Variants in SNX14 observed in about 807,000 individuals in gnomAD.
SNX14 encodes the protein sorting nexin 14, also known as sorting nexin-14.
A neutral mutation model predicts 133.8 loss-of-function variants in SNX14; 93 were observed. That is an observed-to-expected ratio of 0.70 (90% CI 0.59 to 0.83). The LOEUF (loss-of-function observed/expected upper bound fraction) is 0.83, where lower values mean the gene tolerates loss of function less well. Ranked by LOEUF, SNX14 falls within the 40% of genes least tolerant of loss-of-function variation. SNX14 has a pLI of 0.00. For synonymous variants in SNX14, 368 were observed against 365.6 expected, an observed-to-expected ratio of 1.01 and a Z score of -0.07; for missense variants, 945 against 1,094.9, an observed-to-expected ratio of 0.86 and a Z score of 1.93.
intron 1 of SNX14, among the ~76,000 whole-genome samples, chr6:85,590,093 G>A (rs913056601): frequency 1.3e-5 from 2 of 152,198 alleles, no homozygotes; most frequent in Admixed American, 1.3e-4. Flanking sequence ...TGCTGGCAAG[G>A]TACTTTCTGA....
chr6:85,568,428 T>C (rs1049235764), intron 4 of SNX14: 6 of 152,264 alleles, frequency 3.9e-5, no homozygotes, highest in African/African-American at 1.4e-4. Context: ...TAACGTTTTG[T>C]TTCCTGATCT....
rs1205068185 is a variant in SNX14, at chr6:85,530,242, C to G, written c.1844G>C (p.Arg615Thr). Reference sequence around the variant, plus strand: ...AAGTACATAGAATTCAAGATATCTTCTATAGACAGACCAATGTTCAGGCTC... The same window carrying G: ...AAGTACATAGAATTCAAGATATCTTGTATAGACAGACCAATGTTCAGGCTC... The part of the protein sequence containing the change: ...GHEPEHWSVY[R>T]RYLEFYVLES... Residue 615 changes from arginine to threonine, a missense_variant, in exon 19 of 29, where the codon AGA becomes ACA. Arg to Thr is a moderately conservative substitution (Grantham distance 71). Coordinates refer to ENST00000314673, the MANE Select transcript of SNX14 (RefSeq NM_153816.6). 6.2e-7 allele frequency: 1 copy of G among 1,602,486 alleles called. No homozygotes were observed. The highest frequency in any genetic ancestry group is 8.5e-7 in the Non-Finnish European group (1 of 1,174,814).
intron 21 of SNX14, among the ~76,000 whole-genome samples, chr6:85,519,041 T>C (rs1353203486): frequency 6.6e-6 from 1 of 152,198 alleles, no homozygotes; most frequent in East Asian, 1.9e-4. Flanking sequence ...TTCCAACAAG[T>C]AACAGCATTC....
intron 4 of SNX14, among the ~76,000 whole-genome samples, chr6:85,569,047 C>T (rs553916192): frequency 5.9e-5 from 9 of 152,024 alleles, no homozygotes; most frequent in African/African-American, 2.2e-4. Flanking sequence ...CTCACCTCAA[C>T]CTCCACCTCC....
Position 85,505,895 on chromosome 6 carries a change from C to A in SNX14, c.*72G>T, listed in dbSNP as rs556356129. ...TACATAATATATATAAGAATATACC[C>A]AAAAAAGTAAATTTCTACCACCCTC... is the stretch of plus-strand genomic sequence containing the variant. On this transcript the variant is annotated 3_prime_UTR_variant, in exon 29 of 29. Coordinates refer to ENST00000314673, the MANE Select transcript of SNX14 (RefSeq NM_153816.6). 3 of 1,061,542 alleles carry A rather than the reference C, an allele frequency of 2.8e-6. No individual in the cohort carries two copies. Among genetic ancestry groups the A allele is most frequent in the South Asian group, 2.6e-5 (2 of 77,060 alleles). The allele number at this position is 1,061,542 out of a possible 1,614,324, so 65.8% of individuals were successfully genotyped here.
At chr6:85,515,532 G>A (rs1324626771) in intron 23 of SNX14, among the ~76,000 whole-genome samples, 1 of 152,028 alleles carries the variant, frequency 6.6e-6, no homozygotes, top group Non-Finnish European at 1.5e-5. Context: ...GGAGAGGGAA[G>A]AGAAGTAAGG....
chr6:85,542,034 G>T lies in SNX14; in HGVS notation c.1399C>A (p.Gln467Lys). The T allele has an allele frequency of 6.4e-7, 1 of 1,574,086 alleles. No homozygotes were observed. The highest frequency in any genetic ancestry group is 8.6e-7 in the Non-Finnish European group (1 of 1,159,268). The change falls in exon 15 of 29, where the codon CAA becomes AAA. Residue 467 changes from glutamine (Q) to lysine (K), a missense_variant. Transcript: ENST00000314673. ...GGTGATTCTGCACCTCTTAAAAGTT[G>T]TCTGAAATACTTTAAAATAACAAAT... ...MFCHSDEYFR[Q>K]LLRGAESPTR...
chr6:85,513,811 T>C lies in SNX14; in HGVS notation c.2642A>G (p.Asn881Ser), dbSNP rs1297377515. ...GAKQTFEEMMNYIPDLLVKCI... is the reference protein window; with the variant it reads ...GAKQTFEEMMSYIPDLLVKCI... ...CTTAAATATTACACCTGGAATGTAA[T>C]TCATCATTTCTTCAAAAGTCTGTTT... Residue 881 changes from asparagine (N) to serine (S), a missense_variant, in exon 26 of 29, where the codon AAT (asparagine) becomes AGT (serine). Physicochemically the swap from Asn to Ser is conservative, Grantham distance 46 (BLOSUM62 1). This residue lies in a region of SNX14 where 412 missense variants were observed against 516.6 expected (regional missense o/e 0.80). Coordinates refer to ENST00000314673, the MANE Select transcript of SNX14 (RefSeq NM_153816.6). The C allele has an allele frequency of 6.2e-6, 10 of 1,609,800 alleles. No individual in the cohort carries two copies. The highest frequency in any genetic ancestry group is 8.5e-6 in the Non-Finnish European group (10 of 1,177,092).
chr6:85,548,345 A>G lies in SNX14; in HGVS notation c.823T>C (p.Ser275Pro). The G allele has an allele frequency of 6.2e-7, 1 of 1,607,962 alleles. No individual in the cohort carries two copies. Among genetic ancestry groups the G allele is most frequent in the Non-Finnish European group, 8.5e-7 (1 of 1,177,902 alleles). The change falls in exon 9 of 29, where the codon TCT (serine) becomes CCT (proline). Residue 275 changes from serine to proline, a missense_variant. By Grantham distance (74) the Ser-to-Pro change is moderately conservative. This residue lies in a region of SNX14 where 514 missense variants were observed against 538.8 expected (regional missense o/e 0.95). Transcript: ENST00000314673. ...SLTLLIREIL[S>P]GSVFLPSLDF... ...AAAGAAGGAAGGAACACAGAGCCAG[A>G]CAGAATCTCTCTTATAAGTAAGGTC...
intron 1 of SNX14, among the ~76,000 whole-genome samples, chr6:85,575,985 T>C (rs546777391): frequency 6.6e-6 from 1 of 152,350 alleles, no homozygotes; most frequent in Admixed American, 6.5e-5. Context: ...ATTCTCAATG[T>C]TTCTAATGTT....
chr6:85,528,288 T>G lies in SNX14; in HGVS notation c.1969A>C (p.Arg657=). 1.2e-6 allele frequency: 2 copies of G among 1,613,240 alleles called. No individual in the cohort carries two copies. Among genetic ancestry groups the G allele is most frequent in the Non-Finnish European group, 8.5e-7 (1 of 1,179,456 alleles). The change falls in exon 20 of 29, where the codon AGG becomes CGG. Residue 657 remains arginine, a synonymous_variant. Transcript: ENST00000314673. ...PKNYEFLKSK[R]EEFQEYLQKL... ...TGTAGATATTCTTGGAACTCTTCCC[T>G]CTTTGACTTTAAGAATTCATAATTT...
chr6:85,585,801 T>A (rs952448970), intron 1 of SNX14, among the ~76,000 whole-genome samples: 15 of 152,036 alleles, frequency 9.9e-5, no homozygotes, highest in Non-Finnish European at 2.9e-5. Context: ...TTGTAACCCA[T>A]AATTAAGTAA....
chr6:85,534,138 C>G (rs115371041), intron 17 of SNX14, among the ~76,000 whole-genome samples: 2,559 of 152,222 alleles, frequency 0.017, 69 homozygotes, highest in African/African-American at 0.057. Flanking sequence ...AGCAAGTAGG[C>G]ACTGCTGCCA....
intron 26 of SNX14, 80 bp downstream of exon 26, chr6:85,513,720 A>G: frequency 9.6e-7 from 1 of 1,037,934 alleles, no homozygotes. Context: ...GTAAAAAATT[A>G]GCTTCAATAA....
chr6:85,541,788 A>G (rs1176766274), intron 15 of SNX14, among the ~76,000 whole-genome samples, 197 bp downstream of exon 15: 1 of 152,256 alleles, frequency 6.6e-6, no homozygotes, highest in Non-Finnish European at 1.5e-5. Flanking sequence ...GTATCTTGTT[A>G]AAATTTTTCT....
At chr6:85,584,692 CAAT>C (rs1223265878) in intron 1 of SNX14, among the ~76,000 whole-genome samples, 1 of 152,138 alleles carries the variant, frequency 6.6e-6, no homozygotes, top group Non-Finnish European at 1.5e-5. Context: ...ATCAAAACCA[CAAT>C]GAGATACCAT....
intron 13 of SNX14, 93 bp downstream of exon 13, chr6:85,543,512 T>A (rs1472801543): frequency 9.1e-7 from 1 of 1,100,494 alleles, no homozygotes; most frequent in Non-Finnish European, 1.3e-6. Context: ...TAGCTGCCCA[T>A]GTACTGCAGC....
chr6:85,506,105 T>C (rs1448677957), intron 28 of SNX14, 100 bp from the exon 29 acceptor site: 8 of 774,214 alleles, frequency 1.0e-5, no homozygotes, highest in Admixed American at 2.3e-5. Flanking sequence ...CTAAGACATA[T>C]ATATTGTAAA....
intron 1 of SNX14, among the ~76,000 whole-genome samples, chr6:85,591,212 C>G (rs1802641836): frequency 8.5e-6 from 1 of 117,534 alleles, no homozygotes; most frequent in Non-Finnish European, 1.7e-5. Flanking sequence ...CAGAGATACT[C>G]TTATCATCTG....
Sources: gnomAD v4.1 joint callset for allele counts (sites outside exome capture counted in the v4.1 genomes callset) on GRCh38, gnomAD v4.1.1 for gene constraint, gnomAD v4.1.1 regional missense constraint, MANE v1.5 for transcripts, NCBI Gene and HGNC (gene_info 2026-07-23, HGNC 2026-07-21) for gene names.